COL4A6: variants seen among roughly 807,000 people sequenced by gnomAD.
COL4A6 encodes collagen type IV alpha 6 chain.
COL4A6 carries 59 observed loss-of-function variants against 126.7 expected under a neutral mutation model. The ratio of observed to expected loss-of-function variants is 0.47; its 90% CI spans 0.38 to 0.58. The LOEUF (loss-of-function observed/expected upper bound fraction) is 0.58, where lower values mean the gene tolerates loss of function less well. Among genes scored for constraint, COL4A6 ranks in the 20% least tolerant of loss-of-function variants. The pLI is 0.00. For missense variants in COL4A6, 1,285 were observed against 1,337.3 expected (o/e 0.96, Z 0.61); for synonymous variants, 547 against 496.6 (o/e 1.10, Z -1.35).
intron 2 of COL4A6, among the ~76,000 whole-genome samples, chrX:108,367,934 C>A (rs1345985547): frequency 2.7e-5 from 3 of 110,985 alleles, no homozygotes; most frequent in African/African-American, 9.8e-5. Flanking sequence ...TTCTTCAGAG[C>A]ATTTATAACA....
rs753015097 is a variant in COL4A6, at chrX:108,421,779, C to T, written c.63+16163G>A. ...TTAAGAACCCCAGGTTAGAAATGAA[C>T]GATATACACCAAATTTATGATGGTG... On this transcript the variant is annotated intron_variant, in intron 2 of 44. Transcript: ENST00000334504. Among the ~76,000 whole-genome samples, 6 of 111,289 alleles carry T rather than the reference C, an allele frequency of 5.4e-5. No homozygotes were observed. In the East Asian group the frequency reaches 1.1e-3, roughly 21 times the overall value.
chrX:108,357,333 AT>A (rs1569441356), intron 2 of COL4A6, among the ~76,000 whole-genome samples: 1 of 111,232 alleles, frequency 9.0e-6, no homozygotes, highest in Non-Finnish European at 1.9e-5. Flanking sequence ...TCTGCTTACT[AT>A]TTCACAGTCC....
In COL4A6 at chrX:108,438,417, G is replaced by C; in HGVS notation, c.-221C>G. 1 of 1,035,375 alleles carries C rather than the reference G, an allele frequency of 9.7e-7. No homozygotes were observed. The allele number at this position is 1,035,375 out of a possible 1,213,427, so 85.3% of individuals were successfully genotyped here. ...TGCCCGTTACAACTTGCAGCACTCA[G>C]GAGATAGTTCCATGCAGCAGGAGAG... On this transcript the variant is annotated 5_prime_UTR_variant, in exon 1 of 45. Coordinates refer to ENST00000334504, the MANE Select transcript of COL4A6 (RefSeq NM_033641.4).
chrX:108,298,191 G>A (rs923186739), intron 3 of COL4A6, among the ~76,000 whole-genome samples: 2 of 111,561 alleles, frequency 1.8e-5, no homozygotes, highest in Admixed American at 9.4e-5. Flanking sequence ...GGGGAATGAG[G>A]GGGGTGTTTG....
chrX:108,358,130 C>A (rs776447785), intron 2 of COL4A6, among the ~76,000 whole-genome samples: 19 of 111,277 alleles, frequency 1.7e-4, no homozygotes, highest in South Asian at 3.8e-4. Context: ...TGCTGCACAG[C>A]ACTTAGAACT....
intron 3 of COL4A6, among the ~76,000 whole-genome samples, chrX:108,236,056 G>A (rs2036422482): frequency 9.0e-6 from 1 of 111,292 alleles, no homozygotes; most frequent in African/African-American, 3.3e-5. Context: ...TTTTGAATCG[G>A]GTGCTGGCAA....
At chrX:108,168,424 A>C (rs1486776387) in intron 37 of COL4A6, among the ~76,000 whole-genome samples, 2 of 112,303 alleles carry the variant, frequency 1.8e-5, no homozygotes, top group Non-Finnish European at 3.7e-5. Flanking sequence ...AAATGAATTA[A>C]TATATGAATA....
intron 3 of COL4A6, among the ~76,000 whole-genome samples, chrX:108,260,526 A>C (rs1052159444): frequency 9.1e-6 from 1 of 110,428 alleles, no homozygotes; most frequent in African/African-American, 3.3e-5. Context: ...GATGGTTTTA[A>C]AACAGGAGTT....
At chrX:108,204,288 T>C in intron 12 of COL4A6, 32 bp downstream of exon 12, 1 of 1,062,243 alleles carries the variant, frequency 9.4e-7, no homozygotes, top group Non-Finnish European at 1.3e-6. Context: ...AAAAGTTTTA[T>C]TAATTTTTTC....
intron 20 of COL4A6, among the ~76,000 whole-genome samples, chrX:108,189,712 A>G (rs1055754179): frequency 8.9e-6 from 1 of 112,405 alleles, no homozygotes; most frequent in Non-Finnish European, 1.9e-5. Context: ...ATACTTAGGT[A>G]ATGACATTTT....
rs1334486798 is a variant in COL4A6 at position 108,210,624 on chromosome X, C to T, written c.511-620G>A. Among the ~76,000 whole-genome samples, 4 of 112,205 alleles carry T rather than the reference C, an allele frequency of 3.6e-5. No individual in the cohort carries two copies. The Admixed American group carries it at 3.8e-4, about 11-fold the overall frequency. On this transcript the variant is annotated intron_variant, in intron 7 of 44. Transcript: ENST00000334504. ...TGACCAAATTTTGACACCTGCTAGT[C>T]TTACTCCACTTGGCTTACAGTAAAA...
chrX:108,360,020 C>T (rs780912729), intron 2 of COL4A6, among the ~76,000 whole-genome samples: 1 of 111,853 alleles, frequency 8.9e-6, no homozygotes, highest in South Asian at 3.7e-4. Context: ...ACACCAACAG[C>T]TGTGTTGATC....
chrX:108,301,835 A>AGTTCCTTTGGTGTTTCACTGG (rs1333870047), intron 3 of COL4A6, among the ~76,000 whole-genome samples: 2 of 111,796 alleles, frequency 1.8e-5, no homozygotes, highest in Non-Finnish European at 3.8e-5. Context: ...TTATTTTATA[A>AGTTCCTTTGGTGTTTCACTGG]GTTCCTTTGG....
rs773654046 is a variant in COL4A6 at position 108,269,026 on chromosome X, A to T, written c.144+41722T>A. 7.5e-5 allele frequency: 24 copies of T among 321,181 alleles called. 1 individual carries two copies. In the Middle Eastern group the frequency reaches 1.3e-3, roughly 18 times the overall value. 26.5% of individuals were successfully genotyped at this position (321,181 alleles called of 1,213,427 possible). Reference sequence around the variant, plus strand: ...CTTCCATAGAAGTATGGGGAAAGAGAACATCAGAACTCAGCCTCCTTGCTG... The same window carrying T: ...CTTCCATAGAAGTATGGGGAAAGAGTACATCAGAACTCAGCCTCCTTGCTG... On this transcript the variant is annotated intron_variant, in intron 3 of 44. Coordinates refer to ENST00000334504, the MANE Select transcript of COL4A6 (RefSeq NM_033641.4).
intron 3 of COL4A6, among the ~76,000 whole-genome samples, chrX:108,232,574 T>A (rs1021595423): frequency 8.9e-6 from 1 of 112,023 alleles, no homozygotes; most frequent in African/African-American, 3.2e-5. Context: ...TGAGAATGAT[T>A]TTGATTTGAA....
At chrX:108,202,882 TCCAATCAGAC>T (rs780141539) in intron 13 of COL4A6, 36 bp downstream of exon 13, 1 of 1,087,621 alleles carries the variant, frequency 9.2e-7, no homozygotes, top group Admixed American at 2.2e-5. Flanking sequence ...ACAGCTTTTG[TCCAATCAGAC>T]CCTTGTATAC....
chrX:108,246,671 C>T (rs1006549611), intron 3 of COL4A6, among the ~76,000 whole-genome samples: 2 of 111,128 alleles, frequency 1.8e-5, no homozygotes, highest in African/African-American at 3.3e-5. Context: ...TAATCGCAGC[C>T]GCTGACTACT....
At chrX:108,435,641 T>C (rs1015806130) in intron 2 of COL4A6, among the ~76,000 whole-genome samples, 1 of 112,046 alleles carries the variant, frequency 8.9e-6, no homozygotes, top group African/African-American at 3.2e-5. Flanking sequence ...TCCTTTAAAG[T>C]AAATTTAATG....
chrX:108,306,140 G>C lies in COL4A6; in HGVS notation c.144+4608C>G, dbSNP rs191280804. Among the ~76,000 whole-genome samples, 17 of 111,938 alleles carry C rather than the reference G, an allele frequency of 1.5e-4. No individual in the cohort carries two copies. The East Asian group carries it at 4.5e-3, about 30-fold the overall frequency. On this transcript the variant is annotated intron_variant, in intron 3 of 44. Coordinates refer to ENST00000334504, the MANE Select transcript of COL4A6 (RefSeq NM_033641.4). ...GGAAAGGATAGCATAACATTCAAGG[G>C]AACAGAAAGTTTCAGGAGAGAAGAA...
Sources: gnomAD v4.1 joint callset for allele counts (sites outside exome capture counted in the v4.1 genomes callset) on GRCh38, gnomAD v4.1.1 for gene constraint, MANE v1.5 for transcripts, NCBI Gene and HGNC (gene_info 2026-07-23, HGNC 2026-07-21) for gene names.